WWOX: variants seen among roughly 807,000 people sequenced by gnomAD.
The protein encoded by WWOX is WW domain containing oxidoreductase.
A neutral mutation model predicts 46.2 loss-of-function variants in WWOX; 69 were observed. That is an observed-to-expected ratio of 1.49 (90% CI 1.23 to 1.82). The LOEUF (loss-of-function observed/expected upper bound fraction) is 1.82. WWOX is among the 40% of genes most tolerant of loss of function. WWOX has a pLI of 0.00. For synonymous variants in WWOX, 359 were observed against 202.6 expected (o/e 1.77, Z -6.56); for missense variants, 919 against 542.6 (o/e 1.69, Z -6.89).
At chr16:78,471,211 T>G (rs939558505) in intron 8 of WWOX, among the ~76,000 whole-genome samples, 4 of 152,186 alleles carry the variant, frequency 2.6e-5, no homozygotes, top group Non-Finnish European at 5.9e-5. Flanking sequence ...CAATCAGGCG[T>G]GATTCTTCAT....
At chr16:78,843,657 A>AGGGATGC in intron 8 of WWOX, among the ~76,000 whole-genome samples, 2 of 132,756 alleles carry the variant, frequency 1.5e-5, no homozygotes, top group East Asian at 2.1e-4. Flanking sequence ...ATCGAGGAGC[A>AGGGATGC]AAATAATTCA....
At chr16:79,155,642 G>T (rs776276084) in intron 8 of WWOX, among the ~76,000 whole-genome samples, 88 of 146,304 alleles carry the variant, frequency 6.0e-4, no homozygotes, top group Non-Finnish European at 8.3e-4. Flanking sequence ...CAGTGCGCAT[G>T]AATTGCTTGG....
At chr16:78,355,705 T>G (rs898059962) in intron 5 of WWOX, 11 of 743,280 alleles carry the variant, frequency 1.5e-5, no homozygotes, top group Non-Finnish European at 2.5e-5. Context: ...TGGAAGAAAC[T>G]GTGACTACTA....
intron 8 of WWOX, among the ~76,000 whole-genome samples, chr16:78,913,936 T>C (rs2045178596): frequency 6.6e-6 from 1 of 152,008 alleles, no homozygotes; most frequent in South Asian, 2.1e-4. Context: ...GCTTGGATTA[T>C]AGACATGATC....
chr16:78,790,599 C>A (rs908422005), intron 8 of WWOX, among the ~76,000 whole-genome samples: 10 of 152,164 alleles, frequency 6.6e-5, no homozygotes, highest in Admixed American at 6.5e-4. Flanking sequence ...AAAAGAGGAG[C>A]CTGTTTTCTC....
At chr16:79,004,132 C>G (rs565511337) in intron 8 of WWOX, 1 of 152,318 alleles carries the variant, frequency 6.6e-6, no homozygotes, top group Non-Finnish European at 1.5e-5. Context: ...TCTTTATCAT[C>G]CGTCTACCCA....
intron 8 of WWOX, among the ~76,000 whole-genome samples, chr16:78,685,714 A>T (rs899495544): frequency 1.3e-5 from 2 of 152,140 alleles, no homozygotes; most frequent in Non-Finnish European, 2.9e-5. Flanking sequence ...CCCTCTTTGA[A>T]ATTATTCCGA....
chr16:78,726,154 T>A (rs2048830888), intron 8 of WWOX, among the ~76,000 whole-genome samples: 1 of 144,428 alleles, frequency 6.9e-6, no homozygotes, highest in Admixed American at 7.1e-5. Context: ...TTTCTCTCTT[T>A]CTCTTTCTGT....
At chr16:78,876,726 T>A (rs2044241634) in intron 8 of WWOX, among the ~76,000 whole-genome samples, 1 of 152,170 alleles carries the variant, frequency 6.6e-6, no homozygotes, top group Non-Finnish European at 1.5e-5. Context: ...TATAACTGGA[T>A]TTTATCTCAG....
intron 8 of WWOX, among the ~76,000 whole-genome samples, chr16:78,479,632 A>T (rs1597143026): frequency 6.6e-6 from 1 of 152,166 alleles, no homozygotes; most frequent in Non-Finnish European, 1.5e-5. Context: ...GCCTCCAAGG[A>T]GGAAACTGTT....
chr16:78,432,403 G>A, intron 7 of WWOX, 85 bp from the exon 8 acceptor site: 2 of 1,564,046 alleles, frequency 1.3e-6, no homozygotes, highest in East Asian at 2.2e-5. Context: ...ACTGCACCCA[G>A]CATTCCTTAG....
chr16:78,861,686 T>C (rs1399635025), intron 8 of WWOX, among the ~76,000 whole-genome samples: 2 of 152,222 alleles, frequency 1.3e-5, no homozygotes, highest in Non-Finnish European at 2.9e-5. Flanking sequence ...CTCTAAATAT[T>C]ATAAATGTCA....
intron 8 of WWOX, among the ~76,000 whole-genome samples, chr16:79,015,903 ACCACT>A (rs988683286): frequency 1.5e-4 from 23 of 152,208 alleles, no homozygotes; most frequent in Non-Finnish European, 2.5e-4. Context: ...GGCATGTGCC[ACCACT>A]CACAGCTAAT....
intron 8 of WWOX, among the ~76,000 whole-genome samples, chr16:79,188,093 A>C (rs185137943): frequency 6.6e-6 from 1 of 152,206 alleles, no homozygotes; most frequent in Non-Finnish European, 1.5e-5. Flanking sequence ...TGGGCAGTAC[A>C]GTGTAGAGTC....
chr16:79,210,516 G>GTGGGGGCGAGCTTATCTTCAGTT, intron 8 of WWOX, among the ~76,000 whole-genome samples: 1 of 152,264 alleles, frequency 6.6e-6, no homozygotes, highest in South Asian at 2.1e-4. Flanking sequence ...TGTTTTCCTT[G>GTGGGGGCGAGCTTATCTTCAGTT]TGGGGGCGAG....
chr16:78,538,697 G>C (rs1038273613), intron 8 of WWOX, among the ~76,000 whole-genome samples: 2 of 152,172 alleles, frequency 1.3e-5, no homozygotes, highest in African/African-American at 2.4e-5. Flanking sequence ...TAATAAATTT[G>C]ATTGTTAAGG....
chr16:78,196,073 T>A (rs1206425509), intron 5 of WWOX, among the ~76,000 whole-genome samples: 1 of 152,194 alleles, frequency 6.6e-6, no homozygotes, highest in African/African-American at 2.4e-5. Context: ...CTTAACCCTT[T>A]GTTTTACTGA....
At chr16:78,340,456 A>G (rs1042581948) in intron 5 of WWOX, among the ~76,000 whole-genome samples, 2 of 120,622 alleles carry the variant, frequency 1.7e-5, no homozygotes, top group East Asian at 3.9e-4. Context: ...TGATCTGCCC[A>G]TCTCAGCCTC....
intron 5 of WWOX, among the ~76,000 whole-genome samples, chr16:78,251,129 A>T (rs766405265): frequency 6.6e-6 from 1 of 152,178 alleles, no homozygotes; most frequent in Non-Finnish European, 1.5e-5. Context: ...GAGGCAGCTG[A>T]GGATCAGGGA....
Sources: allele counts gnomAD v4.1 joint callset (sites outside exome capture counted in the v4.1 genomes callset), GRCh38; gene constraint gnomAD v4.1.1; transcripts MANE v1.5; gene names NCBI Gene and HGNC (gene_info 2026-07-23, HGNC 2026-07-21).